GRIN2A: variants seen among roughly 807,000 people sequenced by gnomAD.
GRIN2A encodes the protein glutamate ionotropic receptor NMDA type subunit 2A.
In GRIN2A, 22 loss-of-function variants were observed where a neutral mutation model predicts 113.4. The ratio of observed to expected loss-of-function variants is 0.19; its 90% CI spans 0.14 to 0.28. GRIN2A has a LOEUF of 0.28. Among genes scored for constraint, GRIN2A ranks in the 10% least tolerant of loss-of-function variants. The pLI is 1.00. For missense variants in GRIN2A, 1,502 were observed against 1,887.0 expected (o/e 0.80, Z 3.78); for synonymous variants, 827 against 738.4 (o/e 1.12, Z -1.94).
At chr16:9,939,200 C>T (rs949799398) in intron 2 of GRIN2A, among the ~76,000 whole-genome samples, 1 of 152,124 alleles carries the variant, frequency 6.6e-6, no homozygotes, top group African/African-American at 2.4e-5. Context: ...AAGACAACTT[C>T]TACAAACTAA....
intron 2 of GRIN2A, among the ~76,000 whole-genome samples, chr16:10,150,247 CT>C (rs1223829569): frequency 6.6e-6 from 1 of 152,154 alleles, no homozygotes; most frequent in Admixed American, 6.6e-5. Context: ...ATAATTCCCC[CT>C]TTTGATCAAC....
chr16:9,836,476 A>G (rs2042585178), intron 7 of GRIN2A, among the ~76,000 whole-genome samples: 1 of 152,266 alleles, frequency 6.6e-6, no homozygotes, highest in South Asian at 2.1e-4. Flanking sequence ...GTAAACCTGC[A>G]GTGAACTTTT....
At chr16:10,130,135 A>G (rs1370119280) in intron 2 of GRIN2A, among the ~76,000 whole-genome samples, 1 of 152,226 alleles carries the variant, frequency 6.6e-6, no homozygotes, top group Non-Finnish European at 1.5e-5. Context: ...AATGAGACTC[A>G]GAAAAGCCAA....
intron 2 of GRIN2A, among the ~76,000 whole-genome samples, chr16:10,125,984 A>T (rs148911951): frequency 0.015 from 2,223 of 152,194 alleles, 54 homozygotes; most frequent in African/African-American, 0.051. Flanking sequence ...CACAGACAGG[A>T]GGAGCCCCAG....
At chr16:9,905,861 A>T (rs2044018951) in intron 3 of GRIN2A, among the ~76,000 whole-genome samples, 1 of 152,170 alleles carries the variant, frequency 6.6e-6, no homozygotes, top group South Asian at 2.1e-4. Context: ...GCTCTAAACC[A>T]ATGTAATAGT....
chr16:9,762,812 T>TAGG lies in GRIN2A; in HGVS notation c.*334_*336dup. On this transcript the variant is annotated 3_prime_UTR_variant, in exon 13 of 13. Coordinates refer to ENST00000330684, the MANE Select transcript of GRIN2A (RefSeq NM_001134407.3). ...GCTGACCTTAATGGAATTTGGAATATAGGAAATCATAACATCACCATTGGC... is the reference window on the plus strand; with the variant it reads ...GCTGACCTTAATGGAATTTGGAATATAGGAGGAAATCATAACATCACCATTGGC... 1 of 434,658 alleles carries TAGG rather than the reference T, an allele frequency of 2.3e-6. No homozygotes were observed. The highest frequency in any genetic ancestry group is 4.2e-6 in the Non-Finnish European group (1 of 239,550). 26.9% of individuals were successfully genotyped at this position (434,658 alleles called of 1,614,324 possible). A position where few individuals can be genotyped will look rare whatever the true frequency, so the allele number is the denominator to read the frequency against.
chr16:9,976,859 A>G (rs1213016170), intron 2 of GRIN2A, among the ~76,000 whole-genome samples: 2 of 152,178 alleles, frequency 1.3e-5, no homozygotes, highest in African/African-American at 4.8e-5. Flanking sequence ...ATCGCGTGAC[A>G]AATGACATCT....
chr16:9,866,168 T>A (rs950434796), intron 4 of GRIN2A, among the ~76,000 whole-genome samples: 7 of 152,128 alleles, frequency 4.6e-5, no homozygotes, highest in African/African-American at 1.7e-4. Context: ...GAATTAATCA[T>A]ACAATAAAAC....
Position 9,836,415 on chromosome 16 carries a change from A to G in GRIN2A, c.1652-2185T>C, listed in dbSNP as rs76386963. ...TGCAGGCTGTGAAAACATTATTTTT[A>G]AACATTAGAAGGGACCATAACTGAA... is the stretch of plus-strand genomic sequence containing the variant. On this transcript the variant is annotated intron_variant, in intron 7 of 12. Coordinates refer to ENST00000330684, the MANE Select transcript of GRIN2A (RefSeq NM_001134407.3). Among the ~76,000 whole-genome samples, 1,263 of 152,340 alleles carry G rather than the reference A, an allele frequency of 8.3e-3. 21 individuals are homozygous for G. The highest frequency in any genetic ancestry group is 0.029 in the African/African-American group (1,194 of 41,564).
rs139363462 is a variant in GRIN2A at position 9,969,474 on chromosome 16, A to G, written c.415-30923T>C. ...TTATCCATCCTTCATGGTTTTAAAT[A>G]TATGCCAATGCCTTCCAAATCCAGA... is the stretch of plus-strand genomic sequence containing the variant. On this transcript the variant is annotated intron_variant, in intron 2 of 12. Coordinates refer to ENST00000330684, the MANE Select transcript of GRIN2A (RefSeq NM_001134407.3). 1.6e-4 allele frequency among the ~76,000 whole-genome samples: 25 copies of G among 152,304 alleles called. 1 individual carries two copies. The East Asian group carries it at 4.8e-3, about 29-fold the overall frequency.
chr16:9,975,869 T>G (rs552239261), intron 2 of GRIN2A, among the ~76,000 whole-genome samples: 3 of 152,340 alleles, frequency 2.0e-5, no homozygotes, highest in East Asian at 3.9e-4. Context: ...ATGGACCATC[T>G]TTATTAGCAT....
chr16:9,891,861 T>C (rs2043700772), intron 3 of GRIN2A, among the ~76,000 whole-genome samples: 2 of 151,996 alleles, frequency 1.3e-5, no homozygotes, highest in African/African-American at 2.4e-5. Flanking sequence ...AAATGTGAGA[T>C]CAGGTGAGGC....
At chr16:10,099,310 C>T (rs1050168579) in intron 2 of GRIN2A, among the ~76,000 whole-genome samples, 33 of 152,138 alleles carry the variant, frequency 2.2e-4, no homozygotes, top group African/African-American at 7.7e-4. Context: ...TTTAATGCTG[C>T]AAGCAGCATT....
At chr16:9,819,277 T>A (rs556891560) in intron 10 of GRIN2A, among the ~76,000 whole-genome samples, 1 of 152,162 alleles carries the variant, frequency 6.6e-6, no homozygotes, top group African/African-American at 2.4e-5. Context: ...CCCAGCACTT[T>A]GAGAGGCTGA....
chr16:9,922,069 C>A (rs891369699), intron 3 of GRIN2A, among the ~76,000 whole-genome samples: 1 of 152,150 alleles, frequency 6.6e-6, no homozygotes, highest in Admixed American at 6.5e-5. Flanking sequence ...TAATTTAAAG[C>A]AGACTCATTA....
At chr16:9,997,465 G>C (rs1353078232) in intron 2 of GRIN2A, among the ~76,000 whole-genome samples, 2 of 152,026 alleles carry the variant, frequency 1.3e-5, no homozygotes, top group African/African-American at 4.8e-5. Flanking sequence ...CTTTCAATTT[G>C]ATTCATTTAT....
intron 4 of GRIN2A, among the ~76,000 whole-genome samples, chr16:9,859,643 C>CACACACACACAG (rs144711120): frequency 1.3e-4 from 19 of 146,896 alleles, no homozygotes; most frequent in African/African-American, 4.8e-4. Flanking sequence ...CACACACACA[C>CACACACACACAG]AGAGAGGATA....
rs902260664 is a variant in GRIN2A at position 9,840,862 on chromosome 16, T to C, written c.1498-62A>G. Reference sequence around the variant, plus strand: ...AGAGAGAGAACAACAGTACTTTACTTTTCCTGCTAACATTCCTGAGGACTG... The same window carrying C: ...AGAGAGAGAACAACAGTACTTTACTCTTCCTGCTAACATTCCTGAGGACTG... On this transcript the variant is annotated intron_variant, in intron 6 of 12. Coordinates refer to ENST00000330684, the MANE Select transcript of GRIN2A (RefSeq NM_001134407.3). The C allele has an allele frequency of 1.3e-5, 21 of 1,609,678 alleles. No individual in the cohort carries two copies. The African/African-American group carries it at 2.0e-4, about 15-fold the overall frequency.
Position 9,770,359 on chromosome 16 carries a change from A to G in GRIN2A, c.2357-1270T>C, listed in dbSNP as rs944855727. On this transcript the variant is annotated intron_variant, in intron 11 of 12. Transcript: ENST00000330684. ...TATATCAATTCTCTTTGAAGAAGTC[A>G]ATCAAAATGATTTAATATTGGTCTT... 2.0e-5 allele frequency among the ~76,000 whole-genome samples: 3 copies of G among 152,240 alleles called. No individual in the cohort carries two copies. In the East Asian group the frequency reaches 5.8e-4, roughly 29 times the overall value.
Sources: allele counts gnomAD v4.1 joint callset (sites outside exome capture counted in the v4.1 genomes callset), GRCh38; gene constraint gnomAD v4.1.1; transcripts MANE v1.5; gene names NCBI Gene and HGNC (gene_info 2026-07-23, HGNC 2026-07-21).